KLHDC1: variants seen among roughly 807,000 people sequenced by gnomAD.
The protein encoded by KLHDC1 is kelch domain-containing protein 1.
A neutral mutation model predicts 68.3 loss-of-function variants in KLHDC1; 53 were observed. That is an observed-to-expected ratio of 0.78 (90% confidence interval 0.62 to 0.98). The LOEUF is 0.98. KLHDC1 is among the 50% of genes least tolerant of loss of function. The pLI is 0.00. For missense variants in KLHDC1, 470 were observed against 492.3 expected, an observed-to-expected ratio of 0.95 and a Z score of 0.43; for synonymous variants, 148 against 159.0, an observed-to-expected ratio of 0.93 and a Z score of 0.52.
chr14:49,732,002 T>C lies in KLHDC1; in HGVS notation c.711-702T>C, dbSNP rs189492475. Among the ~76,000 whole-genome samples, 1,201 of 152,108 alleles carry C rather than the reference T, an allele frequency of 7.9e-3. 7 individuals carry two copies. The highest frequency in any genetic ancestry group is 9.6e-3 in the Non-Finnish European group (653 of 68,010). On this transcript the variant is annotated intron_variant, in intron 8 of 12. Coordinates refer to ENST00000359332, the MANE Select transcript of KLHDC1 (RefSeq NM_172193.3). ...AGTAGATCAAAGTAAAAAACAACAA[T>C]ATAAAAACCCATAATATCCTTGGGG...
chr14:49,711,910 CTTTTTTTTTTTTTT>C (rs992092493), intron 4 of KLHDC1, among the ~76,000 whole-genome samples: 1 of 76,616 alleles, frequency 1.3e-5, no homozygotes, highest in African/African-American at 5.0e-5. Flanking sequence ...TTTTCTTTTT[CTTTTTTTTTTTTTT>C]TTTTTTTTTT....
intron 4 of KLHDC1, among the ~76,000 whole-genome samples, chr14:49,722,918 C>A (rs1475380456): frequency 1.3e-5 from 2 of 151,730 alleles, no homozygotes; most frequent in African/African-American, 4.8e-5. Flanking sequence ...GAAACCCTGT[C>A]TCTACTAAGA....
chr14:49,730,427 G>A (rs934272581), intron 8 of KLHDC1, among the ~76,000 whole-genome samples: 9 of 151,808 alleles, frequency 5.9e-5, no homozygotes, highest in Admixed American at 3.3e-4. Context: ...TCACCATGTT[G>A]GCCAGGATGG....
At chr14:49,693,522 C>G (rs4600386) in intron 1 of KLHDC1, among the ~76,000 whole-genome samples, 1 of 151,466 alleles carries the variant, frequency 6.6e-6, no homozygotes, top group South Asian at 2.1e-4. Flanking sequence ...GGGCCTCTTA[C>G]CACTCTCCGC....
At chr14:49,703,211 C>T (rs764610277) in intron 1 of KLHDC1, among the ~76,000 whole-genome samples, 5 of 152,008 alleles carry the variant, frequency 3.3e-5, no homozygotes, top group East Asian at 3.9e-4. Flanking sequence ...GCATTGATTA[C>T]ATTGCTCCCA....
intron 9 of KLHDC1, 137 bp downstream of exon 9, chr14:49,732,953 G>C: frequency 1.7e-6 from 1 of 590,550 alleles, no homozygotes; most frequent in Non-Finnish European, 3.0e-6. Context: ...TTTCTTGCAT[G>C]AATTATGATC....
chr14:49,742,333 C>A (rs1277727114), intron 11 of KLHDC1, among the ~76,000 whole-genome samples: 7 of 152,192 alleles, frequency 4.6e-5, no homozygotes, highest in Non-Finnish European at 8.8e-5. Context: ...ATGAGAGACT[C>A]ATTATTCAAA....
Position 49,740,155 on chromosome 14 carries a change from C to G in KLHDC1, c.954C>G (p.Ser318Arg). 1 of 1,609,312 alleles carries G rather than the reference C, an allele frequency of 6.2e-7. No homozygotes were observed. The highest frequency in any genetic ancestry group is 8.5e-7 in the Non-Finnish European group (1 of 1,176,084). The change falls in exon 11 of 13, where the codon AGC becomes AGG. Residue 318 changes from serine to arginine, a missense_variant. By Grantham distance (110) the Ser-to-Arg change is moderately radical. Coordinates refer to ENST00000359332, the MANE Select transcript of KLHDC1 (RefSeq NM_172193.3). ...KENEIMVFGG[S>R]KDDLLALDTG... The stretch of plus-strand genomic sequence containing the variant: ...ATGAAATAATGGTATTTGGTGGGAG[C>G]AAAGATGACTTACTTGCCTTGGATA...
At chr14:49,709,848 G>A in intron 3 of KLHDC1, 22 bp downstream of exon 3, 1 of 1,252,358 alleles carries the variant, frequency 8.0e-7, no homozygotes, top group East Asian at 2.5e-5. Context: ...TTTAATTCAA[G>A]AGTGCAGCAA....
rs186625978 is a variant in KLHDC1 at position 49,705,168 on chromosome 14, A to G, written c.97-3991A>G. Among the ~76,000 whole-genome samples, 534 of 152,282 alleles carry G rather than the reference A, an allele frequency of 3.5e-3. 4 individuals are homozygous for G. The highest frequency in any genetic ancestry group is 0.012 in the African/African-American group (514 of 41,578). On this transcript the variant is annotated intron_variant, in intron 1 of 12. Transcript: ENST00000359332. Reference sequence around the variant, plus strand: ...GAAAAGAGAATAGATGAATGGTCCTATCATAGCAAGGAACTAGGAGATGTT... The same window carrying G: ...GAAAAGAGAATAGATGAATGGTCCTGTCATAGCAAGGAACTAGGAGATGTT...
At chr14:49,732,173 CTT>C (rs934214389) in intron 8 of KLHDC1, among the ~76,000 whole-genome samples, 2 of 145,538 alleles carry the variant, frequency 1.4e-5, no homozygotes, top group African/African-American at 5.0e-5. Context: ...GGAGAATTGA[CTT>C]TTTTTTTTTT....
At chr14:49,714,478 C>T (rs563901422) in intron 4 of KLHDC1, among the ~76,000 whole-genome samples, 6 of 147,780 alleles carry the variant, frequency 4.1e-5, no homozygotes, top group East Asian at 4.1e-4. Flanking sequence ...GTCTCAAAAA[C>T]GAAAAAAAAT....
intron 5 of KLHDC1, among the ~76,000 whole-genome samples, chr14:49,724,827 A>ATTTTTTTTTTTTTT (rs55789065): frequency 7.3e-6 from 1 of 137,748 alleles, no homozygotes; most frequent in Non-Finnish European, 1.6e-5. Context: ...CACAAATGGT[A>ATTTTTTTTTTTTTT]TTTTTTTTTT....
rs747708478 is a variant in KLHDC1, at chr14:49,753,054, TA to T, written c.*1283del. On this transcript the variant is annotated 3_prime_UTR_variant, in exon 13 of 13. Coordinates refer to ENST00000359332, the MANE Select transcript of KLHDC1 (RefSeq NM_172193.3). The stretch of plus-strand genomic sequence containing the variant: ...TGTGTAAAGCTTCTATGTATTGAAA[TA>T]TTTTTTTACGTTTTATTTATTGTAC... The T allele has an allele frequency of 1.6e-4, 25 of 152,258 alleles. No homozygotes were observed. The highest frequency in any genetic ancestry group is 1.2e-3 in the East Asian group (6 of 5,184). The allele number at this position is 152,258 out of a possible 1,614,324, so 9.4% of individuals were successfully genotyped here. A position where few individuals can be genotyped will look rare whatever the true frequency, so the allele number is the denominator to read the frequency against.
chr14:49,713,987 C>T (rs527534153), intron 4 of KLHDC1, among the ~76,000 whole-genome samples: 72 of 147,596 alleles, frequency 4.9e-4, no homozygotes, highest in African/African-American at 1.7e-3. Context: ...GCTGGGATTA[C>T]AGGTGCACGC....
chr14:49,742,933 G>A (rs1310630219), intron 11 of KLHDC1, among the ~76,000 whole-genome samples: 1 of 151,622 alleles, frequency 6.6e-6, no homozygotes, highest in African/African-American at 2.4e-5. Context: ...CCAGCTGGAC[G>A]TGGTAGCCTG....
At chr14:49,696,737 G>C (rs556677486) in intron 1 of KLHDC1, among the ~76,000 whole-genome samples, 1 of 152,256 alleles carries the variant, frequency 6.6e-6, no homozygotes, top group African/African-American at 2.4e-5. Context: ...TAGCACTCTT[G>C]ATTTCCTTTA....
At chr14:49,732,448 C>T (rs1888834048) in intron 8 of KLHDC1, among the ~76,000 whole-genome samples, 1 of 152,160 alleles carries the variant, frequency 6.6e-6, no homozygotes, top group Non-Finnish European at 1.5e-5. Flanking sequence ...GTTGGAATTA[C>T]AGGCATGAGC....
chr14:49,709,874 G>A, intron 3 of KLHDC1, 48 bp downstream of exon 3: 2 of 876,486 alleles, frequency 2.3e-6, no homozygotes, highest in Non-Finnish European at 1.8e-6. Flanking sequence ...AATATTTAAT[G>A]CATCATTTCA....
Sources: allele counts gnomAD v4.1 joint callset (sites outside exome capture counted in the v4.1 genomes callset), GRCh38; gene constraint gnomAD v4.1.1; transcripts MANE v1.5; gene names NCBI Gene and HGNC (gene_info 2026-07-23, HGNC 2026-07-21).